MAP4K4: variants seen among roughly 807,000 people sequenced by gnomAD.
The protein encoded by MAP4K4 is mitogen-activated protein kinase kinase kinase kinase 4.
A neutral mutation model predicts 189.6 loss-of-function variants in MAP4K4; 38 were observed. The observed-to-expected ratio is 0.20, with a 90% CI of 0.15 to 0.26. The LOEUF (loss-of-function observed/expected upper bound fraction) is 0.26, where lower values mean the gene tolerates loss of function less well. Among genes scored for constraint, MAP4K4 ranks in the 10% least tolerant of loss-of-function variants. The pLI is 1.00. For missense variants in MAP4K4, 1,054 were observed against 1,726.9 expected, an observed-to-expected ratio of 0.61 and a Z score of 6.91; for synonymous variants, 610 against 624.3, an observed-to-expected ratio of 0.98 and a Z score of 0.34.
At chr2:101,869,673 C>T (rs1343203531) in exon 22 of MAP4K4, 3 of 1,609,254 alleles carry the variant, frequency 1.9e-6, no homozygotes, top group East Asian at 2.2e-5. Flanking sequence ...TGTACGGCCA[C>T]CTCACAAAGT....
intron 2 of MAP4K4, among the ~76,000 whole-genome samples, chr2:101,699,277 C>T (rs2036724685): frequency 1.3e-5 from 2 of 152,176 alleles, no homozygotes; most frequent in East Asian, 3.8e-4. Context: ...CCACCCTCCA[C>T]CCCAGCGATA....
intron 3 of MAP4K4, among the ~76,000 whole-genome samples, chr2:101,795,037 A>T (rs1156822923): frequency 1.3e-5 from 2 of 152,116 alleles, no homozygotes; most frequent in Non-Finnish European, 1.5e-5. Context: ...TGGGTACTTC[A>T]TATTGCCTCA....
chr2:101,707,687 T>G (rs1312970025), intron 2 of MAP4K4, among the ~76,000 whole-genome samples: 3 of 79,584 alleles, frequency 3.8e-5, no homozygotes, highest in African/African-American at 6.7e-5. Flanking sequence ...TAAGTTTTTT[T>G]TTTTTGTTTT....
chr2:101,754,374 T>A lies in MAP4K4; in HGVS notation c.124-36346T>A, dbSNP rs1364663138. 3.9e-5 allele frequency among the ~76,000 whole-genome samples: 5 copies of A among 128,504 alleles called. No individual in the cohort carries two copies. The East Asian group carries it at 1.2e-3, about 31-fold the overall frequency. The allele number at this position is 128,504 out of a possible 152,430, so 84.3% of individuals were successfully genotyped here. ...TTTTTTTTTTTTTTTTTTTGAGAGA[T>A]GGAATCTTGCTCTGTCACCCAGGCT... On this transcript the variant is annotated intron_variant, in intron 2 of 32. Transcript: ENST00000324219.
chr2:101,716,724 C>T (rs1311376161), intron 2 of MAP4K4, among the ~76,000 whole-genome samples: 2 of 152,114 alleles, frequency 1.3e-5, no homozygotes, highest in African/African-American at 2.4e-5. Flanking sequence ...AGTGTGGTGG[C>T]TCTTCTATCC....
chr2:101,877,232 C>A, intron 27 of MAP4K4, 86 bp downstream of exon 27: 3 of 1,327,526 alleles, frequency 2.3e-6, no homozygotes, highest in Non-Finnish European at 3.2e-6. Context: ...TTAGCTCATT[C>A]ACTGATGTAC....
intron 9 of MAP4K4, among the ~76,000 whole-genome samples, chr2:101,838,806 GA>G (rs907085074): frequency 1.3e-5 from 2 of 152,220 alleles, no homozygotes; most frequent in Non-Finnish European, 2.9e-5. Context: ...TAAAAGCAGT[GA>G]AGTGGAAAGA....
intron 2 of MAP4K4, among the ~76,000 whole-genome samples, chr2:101,741,173 T>TC (rs1381193365): frequency 6.7e-6 from 1 of 148,510 alleles, no homozygotes; most frequent in East Asian, 2.0e-4. Flanking sequence ...TATTTTTTTT[T>TC]TTTTTTTTTT....
chr2:101,807,862 G>A (rs1386825023), intron 3 of MAP4K4, among the ~76,000 whole-genome samples: 4 of 152,230 alleles, frequency 2.6e-5, no homozygotes, highest in Non-Finnish European at 4.4e-5. Flanking sequence ...CAGATCTCAT[G>A]AGAACTTCCT....
chr2:101,764,449 A>G lies in MAP4K4; in HGVS notation c.124-26271A>G, dbSNP rs140706689. Among the ~76,000 whole-genome samples, 436 of 152,340 alleles carry G rather than the reference A, an allele frequency of 2.9e-3. 2 individuals are homozygous for G. The highest frequency in any genetic ancestry group is 9.9e-3 in the African/African-American group (411 of 41,582). On this transcript the variant is annotated intron_variant, in intron 2 of 32. Transcript: ENST00000324219. ...GTAAAATTAAGTTGAGAACATTCTC[A>G]TTCTGCCTACCTCTTTGAGGTTGAT...
chr2:101,700,701 ATTG>A (rs888808401), intron 2 of MAP4K4, among the ~76,000 whole-genome samples: 12 of 151,728 alleles, frequency 7.9e-5, no homozygotes, highest in South Asian at 4.2e-4. Flanking sequence ...ACACAATCAC[ATTG>A]TTGTTATCAC....
chr2:101,764,879 T>C (rs1363750452), intron 2 of MAP4K4, among the ~76,000 whole-genome samples: 2 of 152,200 alleles, frequency 1.3e-5, no homozygotes, highest in Non-Finnish European at 2.9e-5. Context: ...TGAAATAATC[T>C]CAGATTAAAA....
chr2:101,842,646 A>C, exon 11 of MAP4K4: 1 of 1,608,902 alleles, frequency 6.2e-7, no homozygotes, highest in Non-Finnish European at 8.5e-7. Context: ...GTGAGGAAGA[A>C]GAGGAGGAAG....
chr2:101,810,675 G>T (rs980151339), intron 3 of MAP4K4, among the ~76,000 whole-genome samples: 4 of 152,058 alleles, frequency 2.6e-5, no homozygotes, highest in South Asian at 2.1e-4. Flanking sequence ...TTTACTCTGG[G>T]CTCTCAAGAG....
chr2:101,749,285 C>T (rs1394727754), intron 2 of MAP4K4, among the ~76,000 whole-genome samples: 1 of 151,018 alleles, frequency 6.6e-6, no homozygotes. Context: ...GTAACCAAAA[C>T]AGCATGGTAC....
chr2:101,804,075 G>C (rs368856646), intron 3 of MAP4K4, among the ~76,000 whole-genome samples: 11 of 152,150 alleles, frequency 7.2e-5, no homozygotes, highest in East Asian at 3.9e-4. Context: ...AATCCCCTTA[G>C]AAAGCTGCCT....
intron 2 of MAP4K4, among the ~76,000 whole-genome samples, chr2:101,758,167 G>A (rs1292404743): frequency 6.6e-6 from 1 of 152,092 alleles, no homozygotes; most frequent in Admixed American, 6.5e-5. Flanking sequence ...ATGAAACCTC[G>A]GGTAATGGGG....
exon 33 of MAP4K4, chr2:101,893,089 G>GT (rs1241522563): frequency 2.2e-6 from 1 of 456,288 alleles, no homozygotes; most frequent in Non-Finnish European, 4.4e-6. Flanking sequence ...ATTTGTACCT[G>GT]TTTGCTTCCC....
intron 2 of MAP4K4, among the ~76,000 whole-genome samples, chr2:101,770,141 T>C (rs554286425): frequency 1.3e-5 from 2 of 152,220 alleles, no homozygotes; most frequent in African/African-American, 2.4e-5. Flanking sequence ...AAATAAGTTT[T>C]GTAGATATCA....
Sources: allele counts gnomAD v4.1 joint callset (sites outside exome capture counted in the v4.1 genomes callset), GRCh38; gene constraint gnomAD v4.1.1; transcripts MANE v1.5; gene names NCBI Gene and HGNC (gene_info 2026-07-23, HGNC 2026-07-21).